Variants in FAM53A observed in about 807,000 individuals in gnomAD.
FAM53A encodes the protein family with sequence similarity 53 member A, also known as protein FAM53A.
Under a neutral mutation model 26.6 loss-of-function variants are expected in FAM53A, and 28 were observed. The ratio of observed to expected loss-of-function variants is 1.05; its 90% confidence interval spans 0.78 to 1.45. The LOEUF (loss-of-function observed/expected upper bound fraction) is 1.45, where lower values mean the gene tolerates loss of function less well. Ranked by LOEUF, FAM53A falls within the 40% of genes most tolerant of loss-of-function variation. FAM53A has a pLI of 0.00. For missense variants in FAM53A, 650 were observed against 575.8 expected (o/e 1.13, Z -1.32); for synonymous variants, 290 against 253.1 (o/e 1.15, Z -1.38).
chr4:1,623,750 A>C (rs1715159338), intron 1 of FAM53A, among the ~76,000 whole-genome samples: 2 of 152,226 alleles, frequency 1.3e-5, no homozygotes, highest in African/African-American at 4.8e-5. Flanking sequence ...ACGTTACCAT[A>C]CATTCCCGGG....
At chr4:1,649,890 C>G (rs1712601643) in intron 4 of FAM53A, among the ~76,000 whole-genome samples, 1 of 145,992 alleles carries the variant, frequency 6.8e-6, no homozygotes. Context: ...TGTGAGGTGG[C>G]ACAGGCGTGG....
chr4:1,642,825 C>T (rs1224363504), intron 4 of FAM53A, among the ~76,000 whole-genome samples: 1 of 152,160 alleles, frequency 6.6e-6, no homozygotes, highest in Non-Finnish European at 1.5e-5. Context: ...CTCCCCTCCT[C>T]GACCACACCA....
At chr4:1,603,432 G>C in the FAM53A span, among the ~76,000 whole-genome samples, 1 of 152,142 alleles carries the variant, frequency 6.6e-6, no homozygotes, top group Non-Finnish European at 1.5e-5. Context: ...CTGCTGGGCC[G>C]CCCACCGCAG....
chr4:1,672,570 C>T (rs537645649), intron 1 of FAM53A, among the ~76,000 whole-genome samples: 5 of 152,174 alleles, frequency 3.3e-5, no homozygotes, highest in South Asian at 2.1e-4. Flanking sequence ...ATGCTGGACC[C>T]GCAGAGAACG....
chr4:1,673,866 C>G (rs985672237), intron 1 of FAM53A, among the ~76,000 whole-genome samples: 1 of 152,260 alleles, frequency 6.6e-6, no homozygotes, highest in Non-Finnish European at 1.5e-5. Context: ...CGGGAGGGAC[C>G]ACGCCTACTG....
chr4:1,670,406 C>G (rs997351697), intron 1 of FAM53A, among the ~76,000 whole-genome samples: 1 of 152,236 alleles, frequency 6.6e-6, no homozygotes, highest in Non-Finnish European at 1.5e-5. Context: ...TGGCTCAGAG[C>G]CTTCCCGTCA....
chr4:1,669,797 A>C (rs1197113454), intron 1 of FAM53A, among the ~76,000 whole-genome samples: 1 of 152,218 alleles, frequency 6.6e-6, no homozygotes, highest in East Asian at 1.9e-4. Context: ...ACCTCCATGA[A>C]CACCAGGACA....
At chr4:1,633,680 G>T (rs1284885265) in intron 1 of FAM53A, among the ~76,000 whole-genome samples, 8 of 152,186 alleles carry the variant, frequency 5.3e-5, no homozygotes, top group South Asian at 2.1e-4. Context: ...AATAAGCAAG[G>T]CTCCAAGCAT....
chr4:1,655,760 A>G, intron 3 of FAM53A, 37 bp from the exon 4 acceptor site: 1 of 1,503,360 alleles, frequency 6.7e-7, no homozygotes, highest in East Asian at 2.4e-5. Flanking sequence ...GGGAAGAGAC[A>G]GGTGAGCCAC....
intron 4 of FAM53A, among the ~76,000 whole-genome samples, chr4:1,649,711 C>T (rs1712576353): frequency 6.6e-6 from 1 of 152,270 alleles, no homozygotes; most frequent in Non-Finnish European, 1.5e-5. Flanking sequence ...GCAGGTCCTG[C>T]AGCCCCAGTC....
the FAM53A span, among the ~76,000 whole-genome samples, chr4:1,585,476 G>T: frequency 5.3e-5 from 8 of 151,622 alleles, no homozygotes; most frequent in Non-Finnish European, 1.0e-4. Context: ...TAGGGACGGG[G>T]TTTCACCACA....
the FAM53A span, among the ~76,000 whole-genome samples, chr4:1,606,397 C>A: frequency 1.3e-5 from 2 of 152,038 alleles, no homozygotes; most frequent in Non-Finnish European, 2.9e-5. Context: ...ACACTCCCCA[C>A]CCCTCCACGG....
At chr4:1,634,378 G>C (rs1177907240) in intron 1 of FAM53A, among the ~76,000 whole-genome samples, 1 of 152,152 alleles carries the variant, frequency 6.6e-6, no homozygotes, top group Non-Finnish European at 1.5e-5. Flanking sequence ...AAGCAGGGAA[G>C]GGGCAGAGTC....
At position 1,657,506 on chromosome 4, in the gene FAM53A, C is replaced by T. The variant is rs370219018; in HGVS notation, c.76-38G>A. On this transcript the variant is annotated intron_variant, in intron 2 of 4. Coordinates refer to ENST00000308132, the MANE Select transcript of FAM53A (RefSeq NM_001174070.3). Reference sequence around the variant, plus strand: ...AGAAGTTTCAATACTGTGACTGACACGTGAGAATTCGGCAATAATATCCCC... The same window carrying T: ...AGAAGTTTCAATACTGTGACTGACATGTGAGAATTCGGCAATAATATCCCC... The T allele has an allele frequency of 1.0e-5, 16 of 1,578,340 alleles. No homozygotes were observed. The East Asian group carries it at 1.1e-4, about 11-fold the overall frequency.
At position 1,640,181 on chromosome 4, in the gene FAM53A, G is replaced by A. The variant is rs1711547636; in HGVS notation, c.*1112C>T. 1 of 162,394 alleles carries A rather than the reference G, an allele frequency of 6.2e-6. No homozygotes were observed. Among genetic ancestry groups the A allele is most frequent in the Non-Finnish European group, 1.3e-5 (1 of 75,910 alleles). The allele number at this position is 162,394 out of a possible 1,614,324, so 10.1% of individuals were successfully genotyped here. On this transcript the variant is annotated 3_prime_UTR_variant, in exon 5 of 5. Transcript: ENST00000308132. ...GGTGCAAGGGCCCTCCCAGGCCACG[G>A]GAAGCAGGGACTCATGGCACCTTGG...
chr4:1,668,858 T>C lies in FAM53A; in HGVS notation c.-117A>G, dbSNP rs1245160701. The C allele has an allele frequency of 6.6e-6, 6 of 902,754 alleles. No homozygotes were observed. The highest frequency in any genetic ancestry group is 8.8e-6 in the Non-Finnish European group (5 of 568,758). 55.9% of individuals were successfully genotyped at this position (902,754 alleles called of 1,614,324 possible). ...AAATCTCAAGGTCATGTCTCCACTT[T>C]CTTTACAGATGAGCAGTCCACGCCC... On this transcript the variant is annotated 5_prime_UTR_variant, in exon 2 of 5. Transcript: ENST00000308132.
chr4:1,646,779 C>T (rs1177099185), intron 4 of FAM53A, among the ~76,000 whole-genome samples: 1 of 152,056 alleles, frequency 6.6e-6, no homozygotes, highest in Non-Finnish European at 1.5e-5. Flanking sequence ...TGAAGAACTC[C>T]TCAGGCTCTG....
chr4:1,614,079 G>T (rs556053610), downstream of FAM53A, among the ~76,000 whole-genome samples: 1 of 152,168 alleles, frequency 6.6e-6, no homozygotes, highest in South Asian at 2.1e-4. Flanking sequence ...AGATGAATGC[G>T]GCCAGTCACG....
intron 1 of FAM53A, among the ~76,000 whole-genome samples, chr4:1,669,130 A>C (rs1403651532): frequency 6.6e-6 from 1 of 152,176 alleles, no homozygotes; most frequent in East Asian, 1.9e-4. Context: ...CCGCCCCGGA[A>C]GCCTCAACTG....
Sources: allele counts gnomAD v4.1 joint callset (sites outside exome capture counted in the v4.1 genomes callset), GRCh38; gene constraint gnomAD v4.1.1; transcripts MANE v1.5; gene names NCBI Gene and HGNC (gene_info 2026-07-23, HGNC 2026-07-21).